The following TMEM40 variants were observed in gnomAD, a reference collection of about 807,000 sequenced individuals.
TMEM40 encodes the protein transmembrane protein 40.
TMEM40 carries 34 observed loss-of-function variants against 40.8 expected under a neutral mutation model. That is an observed-to-expected ratio of 0.83 (90% confidence interval 0.63 to 1.11). The LOEUF (loss-of-function observed/expected upper bound fraction) is 1.11, where lower values mean the gene tolerates loss of function less well. TMEM40 is among the 50% of genes least tolerant of loss of function. The pLI, the probability that TMEM40 is intolerant of heterozygous loss-of-function variation, is 0.00. For synonymous variants in TMEM40, 106 were observed against 107.0 expected, an observed-to-expected ratio of 0.99 and a Z score of 0.06; for missense variants, 296 against 280.2, an observed-to-expected ratio of 1.06 and a Z score of -0.40.
chr3:12,750,468 A>G (rs1213786208), intron 1 of TMEM40, among the ~76,000 whole-genome samples: 2 of 152,196 alleles, frequency 1.3e-5, no homozygotes, highest in East Asian at 1.9e-4. Flanking sequence ...AATGGAGCCC[A>G]TGTGCTATGA....
chr3:12,738,576 T>A lies in TMEM40; in HGVS notation c.368A>T (p.Glu123Val), dbSNP rs201284102. Residue 123 changes from glutamate (E) to valine (V), a missense_variant, in exon 6 of 12, where the codon GAG becomes GTG. Transcript: ENST00000314124. ...ELQLYGDAPGEVVPSGESGLR... is the reference protein window; with the variant it reads ...ELQLYGDAPGVVVPSGESGLR... ...ACCTGATTCCCCAGAGGGTACCACC[T>A]CTCCAGGAGCATCTGCACAGAAAGG... is the stretch of plus-strand genomic sequence containing the variant. 2.9e-5 allele frequency: 46 copies of A among 1,613,944 alleles called. 1 individual carries two copies.
At chr3:12,740,802 G>A (rs2061376102) in intron 5 of TMEM40, among the ~76,000 whole-genome samples, 2 of 152,066 alleles carry the variant, frequency 1.3e-5, no homozygotes, top group Admixed American at 1.3e-4. Flanking sequence ...AGGTTGCAGT[G>A]AGCCGAGATG....
intron 5 of TMEM40, among the ~76,000 whole-genome samples, chr3:12,740,095 ATTTATTTATTTATTTT>A (rs1207849023): frequency 1.4e-5 from 2 of 145,526 alleles, no homozygotes; most frequent in Non-Finnish European, 3.0e-5. Context: ...ATATTTATTT[ATTTATTTATTTATTTT>A]GAGACAGAGT....
intron 7 of TMEM40, 102 bp downstream of exon 7, chr3:12,738,034 C>T (rs1326599731): frequency 1.2e-5 from 17 of 1,431,226 alleles, no homozygotes; most frequent in Non-Finnish European, 1.7e-5. Context: ...GCGACAGCAT[C>T]CCTGCTGGGA....
intron 1 of TMEM40, among the ~76,000 whole-genome samples, chr3:12,755,168 CTT>C (rs1307018154): frequency 2.8e-4 from 39 of 139,370 alleles, no homozygotes; most frequent in African/African-American, 9.8e-4. Flanking sequence ...CTCTTTCTTT[CTT>C]TCTCTCTCTC....
intron 1 of TMEM40, among the ~76,000 whole-genome samples, chr3:12,753,376 C>G (rs2061494110): frequency 6.6e-6 from 1 of 151,900 alleles, no homozygotes; most frequent in Non-Finnish European, 1.5e-5. Context: ...GCCACCACAC[C>G]TAGCTAATTT....
chr3:12,747,885 T>C (rs1575737824), intron 3 of TMEM40, among the ~76,000 whole-genome samples: 1 of 117,454 alleles, frequency 8.5e-6, no homozygotes, highest in Admixed American at 1.3e-4. Flanking sequence ...CACTCTAGCC[T>C]GGGCAACAGA....
chr3:12,742,336 T>G, intron 5 of TMEM40, 118 bp downstream of exon 5: 1 of 1,183,974 alleles, frequency 8.4e-7, no homozygotes, highest in South Asian at 1.4e-5. Context: ...CCACATCTCC[T>G]GTATTTGGCT....
chr3:12,748,653 A>C lies in TMEM40; in HGVS notation c.211+2T>G. On this transcript the variant is annotated splice_donor_variant, in intron 3 of 11. Transcript: ENST00000314124. LOFTEE classifies it high-confidence loss of function. Reference sequence around the variant, plus strand: ...ATACATATATTTAAATCTCTGCTATACCTGAGGAGGAGGAGGATGAAGAAG... The same window carrying C: ...ATACATATATTTAAATCTCTGCTATCCCTGAGGAGGAGGAGGATGAAGAAG... 1 of 1,611,174 alleles carries C rather than the reference A, an allele frequency of 6.2e-7. No individual in the cohort carries two copies. Among genetic ancestry groups the C allele is most frequent in the Non-Finnish European group, 8.5e-7 (1 of 1,178,732 alleles).
At chr3:12,761,236 C>A (rs1461896648), upstream of TMEM40, among the ~76,000 whole-genome samples, 1 of 152,152 alleles carries the variant, frequency 6.6e-6, no homozygotes, top group Non-Finnish European at 1.5e-5. Context: ...GCAAGAGAGG[C>A]AGGGCCTCAG....
chr3:12,764,792 G>T (rs2061586649), intron 1 of TMEM40, among the ~76,000 whole-genome samples: 1 of 152,134 alleles, frequency 6.6e-6, no homozygotes, highest in South Asian at 2.1e-4. Context: ...AAAAGGCAAG[G>T]ACTAAAGTTA....
chr3:12,735,633 G>GA lies in TMEM40; in HGVS notation c.620-17dup. Reference sequence around the variant, plus strand: ...ATACGGTACACTGCTCAGAAGCAAAGAAAAAAGTAAGTTAAGTTTGTGCCC... The same window carrying GA: ...ATACGGTACACTGCTCAGAAGCAAAGAAAAAAAGTAAGTTAAGTTTGTGCCC... On this transcript the variant is annotated splice_polypyrimidine_tract_variant and intron_variant, in intron 10 of 11. Coordinates refer to ENST00000314124, the MANE Select transcript of TMEM40 (RefSeq NM_018306.4). 4.4e-6 allele frequency: 7 copies of GA among 1,605,622 alleles called. No individual in the cohort carries two copies. The highest frequency in any genetic ancestry group is 5.9e-6 in the Non-Finnish European group (7 of 1,177,860).
chr3:12,734,842 G>C (rs1474952906), intron 11 of TMEM40, 49 bp from the exon 12 acceptor site: 2 of 1,575,860 alleles, frequency 1.3e-6, no homozygotes, highest in East Asian at 2.4e-5. Context: ...AGGCAGCCAG[G>C]CTTCATCCCC....
At chr3:12,765,836 T>G (rs191845881) in intron 1 of TMEM40, among the ~76,000 whole-genome samples, 1 of 152,054 alleles carries the variant, frequency 6.6e-6, no homozygotes, top group African/African-American at 2.4e-5. Context: ...GTGCTGGGAT[T>G]ATAGGCGTGA....
At chr3:12,741,002 C>A (rs1006571173) in intron 5 of TMEM40, among the ~76,000 whole-genome samples, 1 of 152,162 alleles carries the variant, frequency 6.6e-6, no homozygotes, top group East Asian at 1.9e-4. Context: ...TGTGATGACA[C>A]CTGCTGCCTT....
chr3:12,749,519 C>T (rs2061456585), intron 2 of TMEM40, among the ~76,000 whole-genome samples: 1 of 152,196 alleles, frequency 6.6e-6, no homozygotes, highest in Non-Finnish European at 1.5e-5. Context: ...AGCCCAAGCC[C>T]CCAGAGAATT....
At position 12,755,629 on chromosome 3, in the gene TMEM40, G is replaced by A. The variant is rs1445460392; in HGVS notation, c.-9+3562C>T. The stretch of plus-strand genomic sequence containing the variant: ...TACAGGAGGAAAATATTAATTTATC[G>A]ATTTCTATGTAGTTTTTAACTAAAA... On this transcript the variant is annotated intron_variant, in intron 1 of 11. Transcript: ENST00000314124. Among the ~76,000 whole-genome samples, 7 of 152,126 alleles carry A rather than the reference G, an allele frequency of 4.6e-5. No individual in the cohort carries two copies. In the South Asian group the frequency reaches 6.2e-4, roughly 14 times the overall value.
At chr3:12,764,958 G>A (rs1468189274) in intron 1 of TMEM40, among the ~76,000 whole-genome samples, 3 of 151,520 alleles carry the variant, frequency 2.0e-5, no homozygotes, top group Non-Finnish European at 2.9e-5. Flanking sequence ...TGCAACCTCC[G>A]CCTCCCAGGT....
chr3:12,749,125 T>G (rs368615245), intron 2 of TMEM40, among the ~76,000 whole-genome samples: 25 of 152,056 alleles, frequency 1.6e-4, no homozygotes, highest in East Asian at 1.4e-3. Context: ...CTCGGGTTCA[T>G]GCCATTCTCC....
Sources: allele counts gnomAD v4.1 joint callset (sites outside exome capture counted in the v4.1 genomes callset), GRCh38; gene constraint gnomAD v4.1.1; transcripts MANE v1.5; gene names NCBI Gene and HGNC (gene_info 2026-07-23, HGNC 2026-07-21).